Variants in CCDC88A observed in about 807,000 individuals in gnomAD.
CCDC88A encodes coiled-coil and HOOK domain protein 88A.
Under a neutral mutation model 234.3 loss-of-function variants are expected in CCDC88A, and 54 were observed. That is an observed-to-expected ratio of 0.23 (90% confidence interval 0.19 to 0.29). The LOEUF is 0.29. CCDC88A is among the 10% of genes least tolerant of loss of function. The probability of loss-of-function intolerance (pLI) is 1.00; values close to 1 mark genes in which losing one functional copy is unlikely to be tolerated. For synonymous variants in CCDC88A, 753 were observed against 737.8 expected, an observed-to-expected ratio of 1.02 and a Z score of -0.33; for missense variants, 1,832 against 2,123.4, an observed-to-expected ratio of 0.86 and a Z score of 2.70.
intron 6 of CCDC88A, chr2:55,363,616 C>T (rs1167451472): frequency 5.6e-6 from 1 of 179,778 alleles, no homozygotes; most frequent in East Asian, 1.4e-4. Flanking sequence ...TCTTACCTCA[C>T]TATCGTTTTG....
At chr2:55,331,087 G>A (rs1212940969) in intron 16 of CCDC88A, among the ~76,000 whole-genome samples, 1 of 152,094 alleles carries the variant, frequency 6.6e-6, no homozygotes, top group Admixed American at 6.6e-5. Flanking sequence ...CCCAGAGCTG[G>A]GTTCATAAAT....
chr2:55,291,823 A>G (rs199593485), intron 31 of CCDC88A, 48 bp from the exon 32 acceptor site: 33 of 1,435,184 alleles, frequency 2.3e-5, no homozygotes, highest in Non-Finnish European at 3.1e-5. Flanking sequence ...ATGAAACAAA[A>G]TACAATTCAG....
intron 26 of CCDC88A, 102 bp from the exon 27 acceptor site, chr2:55,302,174 C>T: frequency 1.2e-6 from 1 of 835,236 alleles, no homozygotes; most frequent in Non-Finnish European, 1.9e-6. Flanking sequence ...TGAATTAATG[C>T]AAATGGACAT....
chr2:55,300,447 T>G (rs1446143224), intron 28 of CCDC88A: 2 of 152,678 alleles, frequency 1.3e-5, no homozygotes, highest in Admixed American at 6.5e-5. Context: ...TTATTGCCAA[T>G]AGTTTGGTGA....
chr2:55,334,253 A>G lies in CCDC88A; in HGVS notation c.2568T>C (p.Asn856=). Residue 856 remains asparagine, a synonymous_variant, in exon 15 of 33, where the codon AAT becomes AAC. Coordinates refer to ENST00000436346, the MANE Select transcript of CCDC88A (RefSeq NM_001365480.1). The surrounding 1 kb of genome is among the most constrained non-coding windows in gnomAD (Gnocchi z 6.1). ...CTTTTTCCAAATTTCCAATCTTCAC[A>G]TTATTTTCTTCTAATGTGGTATCTT... The part of the protein sequence containing the change: ...EIKDTTLEEN[N]VKIGNLEKEN... The G allele has an allele frequency of 6.9e-7, 1 of 1,439,198 alleles. No individual in the cohort carries two copies. Among genetic ancestry groups the G allele is most frequent in the Non-Finnish European group, 9.1e-7 (1 of 1,099,524 alleles). 89.2% of individuals were successfully genotyped at this position (1,439,198 alleles called of 1,614,324 possible). A position where few individuals can be genotyped will look rare whatever the true frequency, so the allele number is the denominator to read the frequency against.
intron 3 of CCDC88A, among the ~76,000 whole-genome samples, chr2:55,380,634 G>T (rs1315580710): frequency 1.3e-5 from 2 of 150,330 alleles, no homozygotes; most frequent in African/African-American, 4.9e-5. Context: ...TTATTTTTTT[G>T]AGACAGAGTC....
At chr2:55,311,678 G>A (rs979559726) in intron 23 of CCDC88A, among the ~76,000 whole-genome samples, 1 of 152,170 alleles carries the variant, frequency 6.6e-6, no homozygotes, top group Non-Finnish European at 1.5e-5. Flanking sequence ...CATTTGTGGG[G>A]CAAAGAGAAG....
intron 2 of CCDC88A, among the ~76,000 whole-genome samples, chr2:55,406,390 G>T (rs1448170741): frequency 6.6e-6 from 1 of 152,094 alleles, no homozygotes; most frequent in African/African-American, 2.4e-5. Flanking sequence ...TAGATTGGGG[G>T]TTTTGTCTTT....
chr2:55,318,831 TTA>T lies in CCDC88A; in HGVS notation c.3324+10_3324+11del, dbSNP rs774362360. The T allele has an allele frequency of 1.7e-5, 27 of 1,566,704 alleles. No individual in the cohort carries two copies. The Middle Eastern group carries it at 8.5e-4, about 49-fold the overall frequency. ...AGTTTGGTTGCATATTCCCAAAATA[TTA>T]TATTACAACCTGAAGCTTGGCATTC... On this transcript the variant is annotated intron_variant, in intron 19 of 32. Transcript: ENST00000436346.
intron 3 of CCDC88A, among the ~76,000 whole-genome samples, chr2:55,385,417 T>C (rs1184182297): frequency 6.6e-6 from 1 of 152,124 alleles, no homozygotes; most frequent in African/African-American, 2.4e-5. Flanking sequence ...AGACTCAGAA[T>C]GCAGCACAAG....
intron 9 of CCDC88A, chr2:55,349,042 G>C (rs1389579218): frequency 6.6e-6 from 1 of 152,404 alleles, no homozygotes; most frequent in East Asian, 1.9e-4. Context: ...CTTGGTTTAA[G>C]GTGAAAAAAG....
intron 29 of CCDC88A, among the ~76,000 whole-genome samples, chr2:55,297,746 G>A (rs1680370141): frequency 6.6e-6 from 1 of 151,742 alleles, no homozygotes; most frequent in African/African-American, 2.4e-5. Flanking sequence ...AGTATGTTAA[G>A]ACCAAAAACT....
chr2:55,409,926 A>C (rs1680205109), intron 2 of CCDC88A, among the ~76,000 whole-genome samples: 1 of 151,862 alleles, frequency 6.6e-6, no homozygotes, highest in Admixed American at 6.6e-5. Flanking sequence ...TTTTTATTAG[A>C]GACGGGGTTT....
Position 55,328,958 on chromosome 2 carries a change from T to C in CCDC88A, c.2856-523A>G, listed in dbSNP as rs917826455. ...GCTAATTTTGTATTTTTAGTAGAGATGGGGTTTCACCATGTTGATCAGGCT... is the reference window on the plus strand; with the variant it reads ...GCTAATTTTGTATTTTTAGTAGAGACGGGGTTTCACCATGTTGATCAGGCT... On this transcript the variant is annotated intron_variant, in intron 16 of 32. Transcript: ENST00000436346. The surrounding 1 kb of genome is among the most constrained non-coding windows in gnomAD (Gnocchi z 4.3). 1 of 152,660 alleles carries C rather than the reference T, an allele frequency of 6.6e-6. No homozygotes were observed. The highest frequency in any genetic ancestry group is 1.5e-5 in the Non-Finnish European group (1 of 68,360). The allele number at this position is 152,660 out of a possible 1,614,324, so 9.5% of individuals were successfully genotyped here.
At chr2:55,408,950 T>C (rs1680035671) in intron 2 of CCDC88A, among the ~76,000 whole-genome samples, 1 of 151,648 alleles carries the variant, frequency 6.6e-6, no homozygotes, top group Non-Finnish European at 1.5e-5. Flanking sequence ...GAATCTGTAG[T>C]ATGTTTTTTC....
chr2:55,301,806 A>C, intron 27 of CCDC88A, 66 bp downstream of exon 27: 1 of 1,378,522 alleles, frequency 7.3e-7, no homozygotes, highest in South Asian at 1.2e-5. Flanking sequence ...GTACACAGGG[A>C]AAAGTCAAAT....
chr2:55,292,014 CCCCT>C (rs1573965575), intron 31 of CCDC88A: 3 of 244,700 alleles, frequency 1.2e-5, no homozygotes, highest in Non-Finnish European at 2.2e-5. Flanking sequence ...TACATTTCCC[CCCCT>C]CTTAGTGCCA....
intron 7 of CCDC88A, among the ~76,000 whole-genome samples, chr2:55,358,911 A>C (rs1670935987): frequency 6.6e-6 from 1 of 152,080 alleles, no homozygotes; most frequent in South Asian, 2.1e-4. Flanking sequence ...AGTGTTATTA[A>C]TCTCCATAGT....
At chr2:55,415,627 C>G (rs1055082605) in intron 2 of CCDC88A, among the ~76,000 whole-genome samples, 1 of 152,004 alleles carries the variant, frequency 6.6e-6, no homozygotes, top group Non-Finnish European at 1.5e-5. Context: ...GTACACAGGG[C>G]AGAGTACTTA....
Sources: allele counts gnomAD v4.1 joint callset (sites outside exome capture counted in the v4.1 genomes callset), GRCh38; gene constraint gnomAD v4.1.1; non-coding constraint Gnocchi (gnomAD v3.1); transcripts MANE v1.5; gene names NCBI Gene and HGNC (gene_info 2026-07-23, HGNC 2026-07-21).